Variants in ERBIN observed in about 807,000 individuals in gnomAD.
ERBIN encodes the protein erbb2 interacting protein.
In ERBIN, 60 loss-of-function variants were observed where a neutral mutation model predicts 158.4. The observed-to-expected ratio is 0.38, with a 90% CI of 0.31 to 0.47. The LOEUF is 0.47. Among genes scored for constraint, ERBIN ranks in the 20% least tolerant of loss-of-function variants. The pLI, the probability that ERBIN is intolerant of heterozygous loss-of-function variation, is 0.99. For synonymous variants in ERBIN, 594 were observed against 557.2 expected (o/e 1.07, Z -0.93); for missense variants, 1,610 against 1,648.0 (o/e 0.98, Z 0.40).
chr5:66,009,828 A>G (rs989388690), intron 4 of ERBIN, among the ~76,000 whole-genome samples: 5 of 152,338 alleles, frequency 3.3e-5, no homozygotes, highest in South Asian at 4.1e-4. Flanking sequence ...CAAAAGGGGA[A>G]GAATAAATGA....
chr5:66,072,083 T>G (rs1761583214), intron 21 of ERBIN, 86 bp from the exon 22 acceptor site: 2 of 1,399,676 alleles, frequency 1.4e-6, no homozygotes, highest in Admixed American at 4.8e-5. Flanking sequence ...GGCAATATTT[T>G]TTCCTAATCT....
intron 21 of ERBIN, among the ~76,000 whole-genome samples, chr5:66,068,168 A>AAATAAT (rs553482294): frequency 3.6e-4 from 54 of 151,092 alleles, no homozygotes; most frequent in African/African-American, 9.7e-4. Flanking sequence ...GTCTCTACAA[A>AAATAAT]AATAATAATA....
At chr5:65,929,513 G>A (rs1052096568) in intron 1 of ERBIN, among the ~76,000 whole-genome samples, 1 of 151,812 alleles carries the variant, frequency 6.6e-6, no homozygotes, top group Non-Finnish European at 1.5e-5. Context: ...CTACTTGGCT[G>A]CTTGCATTTT....
At chr5:66,061,830 T>G (rs1361193676) in intron 21 of ERBIN, among the ~76,000 whole-genome samples, 1 of 152,224 alleles carries the variant, frequency 6.6e-6, no homozygotes, top group Non-Finnish European at 1.5e-5. Context: ...TATGAAATTC[T>G]GGGTTGAAAA....
intron 1 of ERBIN, among the ~76,000 whole-genome samples, chr5:65,975,874 A>G (rs1749800597): frequency 6.6e-6 from 1 of 152,214 alleles, no homozygotes; most frequent in African/African-American, 2.4e-5. Context: ...TGTGGTCACA[A>G]TCAGTTTAGA....
intron 21 of ERBIN, among the ~76,000 whole-genome samples, chr5:66,060,422 TTC>T (rs1164945405): frequency 1.1e-4 from 16 of 152,222 alleles, no homozygotes; most frequent in African/African-American, 3.4e-4. Context: ...TGTTTGATTC[TTC>T]TCTCTTTTCT....
At chr5:66,032,668 G>A (rs773645931) in intron 14 of ERBIN, among the ~76,000 whole-genome samples, 2 of 152,160 alleles carry the variant, frequency 1.3e-5, no homozygotes, top group Non-Finnish European at 2.9e-5. Flanking sequence ...TCAGGGGTTA[G>A]TGCCAAGCAT....
chr5:66,011,875 G>A (rs1048616388), intron 4 of ERBIN, among the ~76,000 whole-genome samples, 174 bp from the exon 5 acceptor site: 1 of 152,130 alleles, frequency 6.6e-6, no homozygotes, highest in African/African-American at 2.4e-5. Context: ...AAGGAGGAAA[G>A]ATAAAGAAAT....
intron 17 of ERBIN, 77 bp downstream of exon 17, chr5:66,044,387 T>A: frequency 7.6e-7 from 1 of 1,314,016 alleles, no homozygotes. Flanking sequence ...TAGTGCCCCT[T>A]TTCATGTACT....
chr5:66,068,696 G>A (rs2151291096), intron 21 of ERBIN, among the ~76,000 whole-genome samples: 1 of 152,246 alleles, frequency 6.6e-6, no homozygotes, highest in South Asian at 2.1e-4. Flanking sequence ...TTGTGTATAT[G>A]TATATGTTGT....
At chr5:66,030,562 C>CTTTT (rs766454675) in intron 14 of ERBIN, among the ~76,000 whole-genome samples, 7 of 128,342 alleles carry the variant, frequency 5.5e-5, no homozygotes, top group African/African-American at 1.5e-4. Context: ...ACAGTAGCAC[C>CTTTT]TTTTTTTTTT....
intron 4 of ERBIN, among the ~76,000 whole-genome samples, chr5:66,000,173 A>G (rs1752876700): frequency 1.3e-5 from 2 of 152,296 alleles, no homozygotes; most frequent in South Asian, 2.1e-4. Context: ...TATACATCTG[A>G]AATTGTATGT....
At chr5:65,951,624 A>G (rs1217172000) in intron 1 of ERBIN, among the ~76,000 whole-genome samples, 2 of 152,192 alleles carry the variant, frequency 1.3e-5, no homozygotes, top group Non-Finnish European at 2.9e-5. Flanking sequence ...TTTTGAGCTC[A>G]ATTAAATGAA....
intron 1 of ERBIN, among the ~76,000 whole-genome samples, chr5:65,976,550 G>A (rs1749887567): frequency 1.3e-5 from 2 of 150,084 alleles, no homozygotes; most frequent in African/African-American, 4.9e-5. Context: ...ATCATTCTTG[G>A]GTGTTTCTCG....
chr5:65,977,149 A>AC (rs1280622353), intron 1 of ERBIN, among the ~76,000 whole-genome samples: 57 of 123,096 alleles, frequency 4.6e-4, no homozygotes, highest in African/African-American at 1.8e-3. Flanking sequence ...CGGGGGGCTG[A>AC]CTCCCCCACC....
chr5:65,969,300 G>A (rs1748998696), intron 1 of ERBIN, among the ~76,000 whole-genome samples: 2 of 152,222 alleles, frequency 1.3e-5, no homozygotes, highest in South Asian at 4.1e-4. Context: ...CAATAGAAAG[G>A]AAAAACTATT....
intron 16 of ERBIN, 63 bp downstream of exon 16, chr5:66,043,261 T>C (rs1200382681): frequency 5.3e-6 from 8 of 1,504,600 alleles, no homozygotes; most frequent in Non-Finnish European, 6.4e-6. Context: ...GTTGGTATTA[T>C]ATATACTATG....
At chr5:65,937,542 G>C (rs1240941674) in intron 1 of ERBIN, among the ~76,000 whole-genome samples, 7 of 152,048 alleles carry the variant, frequency 4.6e-5, no homozygotes, top group Non-Finnish European at 1.0e-4. Context: ...TTTAATATCT[G>C]GAAGTGTTGC....
chr5:65,996,244 GTTTT>G (rs34947686), intron 4 of ERBIN, among the ~76,000 whole-genome samples: 154 of 101,166 alleles, frequency 1.5e-3, no homozygotes, highest in Non-Finnish European at 2.7e-3. Context: ...TTTCCTAGTA[GTTTT>G]TTTTTTTTTT....
Sources: gnomAD v4.1 joint callset for allele counts (sites outside exome capture counted in the v4.1 genomes callset) on GRCh38, gnomAD v4.1.1 for gene constraint, MANE v1.5 for transcripts, NCBI Gene and HGNC (gene_info 2026-07-23, HGNC 2026-07-21) for gene names.